Variants in LAMB4 observed in about 807,000 individuals in gnomAD.
LAMB4 encodes the protein laminin subunit beta-4.
In LAMB4, 196 loss-of-function variants were observed where a neutral mutation model predicts 199.2. That is an observed-to-expected ratio of 0.98 (90% CI 0.88 to 1.11). LAMB4 has a LOEUF of 1.11. Among genes scored for constraint, LAMB4 ranks in the 50% least tolerant of loss-of-function variants. LAMB4 has a pLI of 0.00. For missense variants in LAMB4, 2,080 were observed against 2,171.2 expected, an observed-to-expected ratio of 0.96 and a Z score of 0.83; for synonymous variants, 744 against 770.6, an observed-to-expected ratio of 0.97 and a Z score of 0.57.
rs2037409788 is a variant in LAMB4, at chr7:108,091,689, A to G, written c.1638T>C (p.Ala546=). The G allele has an allele frequency of 6.2e-7, 1 of 1,614,044 alleles. No individual in the cohort carries two copies. The highest frequency in any genetic ancestry group is 8.5e-7 in the Non-Finnish European group (1 of 1,180,028). The change falls in exon 14 of 34, where the codon GCT becomes GCC. Residue 546 remains alanine (A), a synonymous_variant. Coordinates refer to ENST00000388781, the MANE Select transcript of LAMB4 (RefSeq NM_007356.3). ...CSEPAPGYFF[A]PLNFYLYEAE... is the part of the protein sequence containing the mutation. ...CCTCGTAGAGATAGAAATTCAAAGG[A>G]GCAAAGAAGTAGCCAGGGGCTGGTT...
intron 2 of LAMB4, among the ~76,000 whole-genome samples, chr7:108,116,471 G>A (rs923515332): frequency 1.3e-5 from 2 of 152,002 alleles, no homozygotes; most frequent in Non-Finnish European, 2.9e-5. Flanking sequence ...AAGAGATACC[G>A]AGAATAATAC....
At position 108,043,798 on chromosome 7, in the gene LAMB4, T is replaced by C. The variant is rs751803470; in HGVS notation, c.4425A>G (p.Glu1475=). 1.9e-5 allele frequency: 30 copies of C among 1,602,086 alleles called. No individual in the cohort carries two copies. The highest frequency in any genetic ancestry group is 2.5e-5 in the Non-Finnish European group (29 of 1,171,982). ...GNIRNQSDSE[E]ENINLFIKKV... The stretch of plus-strand genomic sequence containing the variant: ...TTTTGATGAAAAGATTGATGTTTTC[T>C]TCTTCAGAGTCACTTTGGTTTCTTA... The change falls in exon 29 of 34, where the codon GAA becomes GAG. Residue 1475 remains glutamate (E), a synonymous_variant. Coordinates refer to ENST00000388781, the MANE Select transcript of LAMB4 (RefSeq NM_007356.3).
intron 6 of LAMB4, among the ~76,000 whole-genome samples, chr7:108,107,423 T>C (rs935836693): frequency 1.3e-5 from 2 of 152,228 alleles, no homozygotes; most frequent in African/African-American, 4.8e-5. Context: ...CATGCCCACC[T>C]TCAGCTGAGC....
chr7:108,087,783 C>T (rs2037240864), intron 14 of LAMB4, among the ~76,000 whole-genome samples: 1 of 152,226 alleles, frequency 6.6e-6, no homozygotes, highest in African/African-American at 2.4e-5. Context: ...CAGTGTTCAA[C>T]TCTCTAACCC....
In LAMB4 at chr7:108,107,830, T is replaced by G. The variant is rs1295496653; in HGVS notation, c.403-11A>C. 1.9e-6 allele frequency: 3 copies of G among 1,564,962 alleles called. No individual in the cohort carries two copies. Among genetic ancestry groups the G allele is most frequent in the Non-Finnish European group, 2.6e-6 (3 of 1,160,168 alleles). ...AGCAGGCCGAAAAGTCTAGGAAAAA[T>G]GAGTAAAAGTTGGCACATTTCACAA... On this transcript the variant is annotated splice_polypyrimidine_tract_variant and intron_variant, in intron 5 of 33. Transcript: ENST00000388781.
At chr7:108,113,403 C>T (rs2038299239) in intron 3 of LAMB4, among the ~76,000 whole-genome samples, 1 of 152,178 alleles carries the variant, frequency 6.6e-6, no homozygotes, top group African/African-American at 2.4e-5. Flanking sequence ...ATTATTTCAG[C>T]TACAGTCAAA....
At chr7:108,077,445 A>C (rs1295798829) in intron 16 of LAMB4, among the ~76,000 whole-genome samples, 2 of 152,192 alleles carry the variant, frequency 1.3e-5, no homozygotes, top group African/African-American at 2.4e-5. Flanking sequence ...CTGTAATCCC[A>C]GCACTTTGGG....
In LAMB4 at chr7:108,037,387, C is replaced by T. The variant is rs927799426; in HGVS notation, c.4679+1G>A. 3 of 1,610,600 alleles carry T rather than the reference C, an allele frequency of 1.9e-6. No individual in the cohort carries two copies. Among genetic ancestry groups the T allele is most frequent in the Non-Finnish European group, 2.5e-6 (3 of 1,176,886 alleles). On this transcript the variant is annotated splice_donor_variant, in intron 30 of 33. Coordinates refer to ENST00000388781, the MANE Select transcript of LAMB4 (RefSeq NM_007356.3). LOFTEE classifies it high-confidence loss of function. ...GATAAGAATATTAATACAGTACTTA[C>T]TCAGCTGCTTTGGCCTTCACCAAAA...
At position 108,043,896 on chromosome 7, in the gene LAMB4, T is replaced by C. The variant is rs752850512; in HGVS notation, c.4327A>G (p.Ile1443Val). ...DKQVRGLKNQ[I>V]ESISEQAEVS... is the part of the protein sequence containing the mutation. ...TCTGCCTGTTCACTTATACTTTCGA[T>C]CTGGAATGAGAAAAACACAATGAAG... The change falls in exon 29 of 34, where the codon ATC becomes GTC. Residue 1443 changes from isoleucine to valine, a missense_variant and splice_region_variant. Physicochemically the swap from Ile to Val is conservative, Grantham distance 29 (BLOSUM62 3). Coordinates refer to ENST00000388781, the MANE Select transcript of LAMB4 (RefSeq NM_007356.3). 1 of 1,597,144 alleles carries C rather than the reference T, an allele frequency of 6.3e-7. No homozygotes were observed. Among genetic ancestry groups the C allele is most frequent in the South Asian group, 1.2e-5 (1 of 86,500 alleles).
At chr7:108,014,813 C>T in the LAMB4 span, among the ~76,000 whole-genome samples, 10 of 151,814 alleles carry the variant, frequency 6.6e-5, no homozygotes, top group Non-Finnish European at 1.5e-4. Context: ...ACCTTTGCCT[C>T]CCTGGCTGAA....
intron 30 of LAMB4, among the ~76,000 whole-genome samples, chr7:108,035,941 C>A (rs147948911): frequency 6.6e-6 from 1 of 151,858 alleles, no homozygotes; most frequent in East Asian, 1.9e-4. Flanking sequence ...GCAGCCTCTG[C>A]CTCCCAGGTT....
At chr7:108,085,715 G>A (rs1309590583) in intron 14 of LAMB4, among the ~76,000 whole-genome samples, 4 of 152,062 alleles carry the variant, frequency 2.6e-5, no homozygotes, top group South Asian at 2.1e-4. Context: ...CCGGGTTCAC[G>A]CCATTCTCCT....
the LAMB4 span, among the ~76,000 whole-genome samples, chr7:108,017,334 C>T: frequency 3.9e-5 from 6 of 152,108 alleles, no homozygotes; most frequent in Non-Finnish European, 8.8e-5. Context: ...AAGAGACATC[C>T]TACCTAGGCT....
chr7:108,070,086 G>A (rs1238212774), intron 17 of LAMB4, among the ~76,000 whole-genome samples: 2 of 151,624 alleles, frequency 1.3e-5, no homozygotes, highest in Non-Finnish European at 2.9e-5. Context: ...TGGACTTGTG[G>A]CTAAGAAAAA....
At chr7:108,071,663 A>G (rs150561194) in intron 17 of LAMB4, among the ~76,000 whole-genome samples, 450 of 152,232 alleles carry the variant, frequency 3.0e-3, no homozygotes, top group African/African-American at 6.4e-3. Context: ...CGCACATCCC[A>G]CACACATCAA....
chr7:108,052,355 C>G, intron 25 of LAMB4, 98 bp from the exon 26 acceptor site: 1 of 904,846 alleles, frequency 1.1e-6, no homozygotes, highest in Non-Finnish European at 1.6e-6. Context: ...GTTAGGAATT[C>G]TTGATTAGAA....
At chr7:108,031,359 AAAAGG>A (rs2035030345) in intron 31 of LAMB4, among the ~76,000 whole-genome samples, 1 of 142,698 alleles carries the variant, frequency 7.0e-6, no homozygotes, top group Admixed American at 7.0e-5. Context: ...AAAAAAAAGA[AAAAGG>A]AAAAGAAAAA....
At chr7:108,059,133 T>A (rs564030839) in intron 23 of LAMB4, among the ~76,000 whole-genome samples, 1 of 130,736 alleles carries the variant, frequency 7.6e-6, no homozygotes, top group South Asian at 2.6e-4. Flanking sequence ...TGAGATGGAG[T>A]CTTGCTCAGT....
At position 108,037,490 on chromosome 7, in the gene LAMB4, T is replaced by C; in HGVS notation, c.4577A>G (p.Gln1526Arg). 3 of 1,614,148 alleles carry C rather than the reference T, an allele frequency of 1.9e-6. No individual in the cohort carries two copies. The South Asian group carries it at 3.3e-5, about 18-fold the overall frequency. The change falls in exon 30 of 34, where the codon CAG (glutamine) becomes CGG (arginine). Residue 1526 changes from glutamine to arginine, a missense_variant. Gln to Arg is a conservative substitution (Grantham distance 43). Coordinates refer to ENST00000388781, the MANE Select transcript of LAMB4 (RefSeq NM_007356.3). ...ATCCTCACAGAGTTGCATATGTTTC[T>C]GTATTTTGACAAGTTCATCGGTTAG... Reference protein sequence around the residue: ...QNLTDELVKIQKHMQLCEDYR... With the variant: ...QNLTDELVKIRKHMQLCEDYR...
Sources: gnomAD v4.1 joint callset for allele counts (sites outside exome capture counted in the v4.1 genomes callset) on GRCh38, gnomAD v4.1.1 for gene constraint, MANE v1.5 for transcripts, NCBI Gene and HGNC (gene_info 2026-07-23, HGNC 2026-07-21) for gene names.